The following ZNF343 variants were observed in gnomAD, a reference collection of about 807,000 sequenced individuals.
The protein encoded by ZNF343 is zinc finger protein 343.
In ZNF343, 11 loss-of-function variants were observed where a neutral mutation model predicts 13.8. The ratio of observed to expected loss-of-function variants is 0.80; its 90% CI spans 0.50 to 1.32. The LOEUF (loss-of-function observed/expected upper bound fraction) is 1.32, where lower values mean the gene tolerates loss of function less well. Ranked by LOEUF, ZNF343 falls within the 40% of genes most tolerant of loss-of-function variation. The pLI is 0.00. For missense variants in ZNF343, 658 were observed against 714.2 expected (o/e 0.92, Z 0.90); for synonymous variants, 248 against 260.0 (o/e 0.95, Z 0.44).
intron 5 of ZNF343, among the ~76,000 whole-genome samples, chr20:2,487,965 C>T (rs922899793): frequency 1.2e-4 from 18 of 152,130 alleles, no homozygotes; most frequent in African/African-American, 3.4e-4. Context: ...TTTTGTGAAT[C>T]GTCTATTTAG....
At chr20:2,517,561 G>A (rs1403367891) in intron 1 of ZNF343, among the ~76,000 whole-genome samples, 1 of 151,570 alleles carries the variant, frequency 6.6e-6, no homozygotes, top group Admixed American at 6.6e-5. Flanking sequence ...GAGTGCAGTG[G>A]CATCATCATG....
intron 1 of ZNF343, among the ~76,000 whole-genome samples, chr20:2,516,233 C>A (rs981709851): frequency 3.3e-5 from 5 of 152,066 alleles, no homozygotes; most frequent in African/African-American, 7.2e-5. Context: ...TGTCCTGGTG[C>A]ATGCCTGTAA....
At chr20:2,507,990 G>A (rs1011232285) in intron 1 of ZNF343, among the ~76,000 whole-genome samples, 4 of 152,024 alleles carry the variant, frequency 2.6e-5, no homozygotes, top group African/African-American at 7.3e-5. Context: ...AAGCAGTCCA[G>A]GAAAGGAGTC....
At position 2,483,172 on chromosome 20, in the gene ZNF343, T is replaced by C; in HGVS notation, c.1789A>G (p.Arg597Gly). Residue 597 changes from arginine to glycine, a missense_variant, in exon 6 of 6, where the codon AGG becomes GGG. Physicochemically the swap from Arg to Gly is moderately radical, Grantham distance 125. Coordinates refer to ENST00000278772, the MANE Select transcript of ZNF343 (RefSeq NM_024325.6). ...SHKSNLIRHQ[R>G]TH The stretch of plus-strand genomic sequence containing the variant: ...ACAGGTTTCTCCCGTCAGTGTGTCC[T>C]CTGGTGTCTGATGAGATTTGACTTA... 1.9e-6 allele frequency: 3 copies of C among 1,608,298 alleles called. No individual in the cohort carries two copies. The highest frequency in any genetic ancestry group is 2.5e-6 in the Non-Finnish European group (3 of 1,176,752).
At position 2,484,265 on chromosome 20, in the gene ZNF343, T is replaced by C; in HGVS notation, c.696A>G (p.Glu232=). Residue 232 remains glutamate, a synonymous_variant, in exon 6 of 6, where the codon GAA becomes GAG. Transcript: ENST00000278772. Reference sequence around the variant, plus strand: ...TTGCTCCAAATCTCAAGGTTTCTAATTCCTTCAAGCCTTTGTCTAGCTGCA... The same window carrying C: ...TTGCTCCAAATCTCAAGGTTTCTAACTCCTTCAAGCCTTTGTCTAGCTGCA... ...NPVQLDKGLK[E]LETLRFGAIN... is the part of the protein sequence containing the mutation. 1 of 1,614,214 alleles carries C rather than the reference T, an allele frequency of 6.2e-7. No individual in the cohort carries two copies. The highest frequency in any genetic ancestry group is 1.7e-5 in the Admixed American group (1 of 60,030).
chr20:2,509,081 C>A (rs527852786), upstream of ZNF343: 1 of 152,276 alleles, frequency 6.6e-6, no homozygotes, highest in South Asian at 2.1e-4. Context: ...CAGGTTCTGG[C>A]TCCCGAGTGA....
chr20:2,506,028 T>C (rs1024350337), intron 1 of ZNF343, among the ~76,000 whole-genome samples: 1 of 151,404 alleles, frequency 6.6e-6, no homozygotes, highest in African/African-American at 2.4e-5. Flanking sequence ...TGGGAGAAAA[T>C]TTTTCCAATC....
At chr20:2,496,988 G>A (rs1415472175) in intron 2 of ZNF343, among the ~76,000 whole-genome samples, 4 of 152,250 alleles carry the variant, frequency 2.6e-5, no homozygotes, top group Non-Finnish European at 5.9e-5. Context: ...GCTGAGGCAG[G>A]AGAATTGCTT....
chr20:2,492,251 G>C (rs1446446757), intron 5 of ZNF343, among the ~76,000 whole-genome samples: 1 of 151,774 alleles, frequency 6.6e-6, no homozygotes, highest in Non-Finnish European at 1.5e-5. Flanking sequence ...TTCATATACT[G>C]GGCAGGTACA....
In ZNF343 at chr20:2,482,263, G is replaced by C. The variant is rs1042054447; in HGVS notation, c.*898C>G. On this transcript the variant is annotated 3_prime_UTR_variant, in exon 6 of 6. Coordinates refer to ENST00000278772, the MANE Select transcript of ZNF343 (RefSeq NM_024325.6). ...AATATACTCTGGGGCTTACTGCGGG[G>C]TGACTCATGGCTGAAGCCTTATCTA... 1 of 151,040 alleles carries C rather than the reference G, an allele frequency of 6.6e-6. No individual in the cohort carries two copies. Among genetic ancestry groups the C allele is most frequent in the Non-Finnish European group, 1.5e-5 (1 of 67,638 alleles). The allele number at this position is 151,040 out of a possible 1,614,324, so 9.4% of individuals were successfully genotyped here.
chr20:2,523,677 C>CTTTTT lies in ZNF343; in HGVS notation c.-347+773_-347+777dup, dbSNP rs3051730. Among the ~76,000 whole-genome samples, 129 of 102,790 alleles carry CTTTTT rather than the reference C, an allele frequency of 1.3e-3. 1 individual carries two copies. Among genetic ancestry groups the CTTTTT allele is most frequent in the African/African-American group, 2.1e-3 (54 of 25,964 alleles). 67.4% of individuals were successfully genotyped at this position (102,790 alleles called of 152,430 possible). The stretch of plus-strand genomic sequence containing the variant: ...AAACCCCACTCCATAGCTATGTGTA[C>CTTTTT]TTTTTTTTTTTTTTTTTTTTTGAGA... On this transcript the variant is annotated intron_variant, in intron 1 of 6. Transcript: ENST00000358413.
chr20:2,487,094 G>A (rs538900875), intron 5 of ZNF343, among the ~76,000 whole-genome samples: 2 of 152,266 alleles, frequency 1.3e-5, no homozygotes, highest in Admixed American at 6.5e-5. Context: ...ATTTTACTAT[G>A]GAGTATGGTC....
chr20:2,486,028 G>A (rs2085275656), intron 5 of ZNF343, among the ~76,000 whole-genome samples: 1 of 152,210 alleles, frequency 6.6e-6, no homozygotes, highest in East Asian at 1.9e-4. Flanking sequence ...CTGGTACTTT[G>A]TGACGTGAAC....
At chr20:2,502,873 G>A (rs2085592918) in intron 1 of ZNF343, among the ~76,000 whole-genome samples, 1 of 152,200 alleles carries the variant, frequency 6.6e-6, no homozygotes, top group Non-Finnish European at 1.5e-5. Flanking sequence ...AAATTGTAAA[G>A]ACCATTGAGG....
chr20:2,491,141 T>C (rs964066249), intron 5 of ZNF343, among the ~76,000 whole-genome samples: 1 of 152,182 alleles, frequency 6.6e-6, no homozygotes, highest in East Asian at 1.9e-4. Context: ...TCTAGAAACA[T>C]AGGAATATCT....
At chr20:2,523,982 A>C (rs2085794088) in intron 1 of ZNF343, among the ~76,000 whole-genome samples, 1 of 68,656 alleles carries the variant, frequency 1.5e-5, no homozygotes. Flanking sequence ...CCCGTCTCAA[A>C]AAAAAAAAAA....
chr20:2,489,856 G>C (rs1453648209), intron 5 of ZNF343, among the ~76,000 whole-genome samples: 3 of 151,994 alleles, frequency 2.0e-5, no homozygotes, highest in Admixed American at 6.6e-5. Context: ...TGAAGAAAGA[G>C]AGAAAAAGAG....
intron 1 of ZNF343, among the ~76,000 whole-genome samples, chr20:2,522,707 G>C (rs1163840277): frequency 3.3e-5 from 5 of 152,256 alleles, no homozygotes; most frequent in Non-Finnish European, 4.4e-5. Context: ...CCAATACTTT[G>C]GGAGGCCAAG....
chr20:2,490,132 CTT>C (rs1316142261), intron 5 of ZNF343, among the ~76,000 whole-genome samples: 4 of 152,150 alleles, frequency 2.6e-5, no homozygotes, highest in Admixed American at 2.0e-4. Context: ...GTTTTTATAA[CTT>C]TGAGAATAAG....
Sources: allele counts gnomAD v4.1 joint callset (sites outside exome capture counted in the v4.1 genomes callset), GRCh38; gene constraint gnomAD v4.1.1; transcripts MANE v1.5; gene names NCBI Gene and HGNC (gene_info 2026-07-23, HGNC 2026-07-21).